DRC11: variants seen among roughly 807,000 people sequenced by gnomAD.
The protein encoded by DRC11 is IQ and AAA domain-containing protein 1.
chr2:236,419,066 T>C, the DRC11 span: 1 of 1,455,098 alleles, frequency 6.9e-7, no homozygotes, highest in Non-Finnish European at 9.0e-7. The surrounding 1 kb of genome is among the most constrained non-coding windows in gnomAD (Gnocchi z 4.8). Flanking sequence ...AACAGATTTG[T>C]AAATATCTCA....
At chr2:236,440,137 G>A in the DRC11 span, among the ~76,000 whole-genome samples, 3 of 152,192 alleles carry the variant, frequency 2.0e-5, no homozygotes, top group Non-Finnish European at 4.4e-5. Flanking sequence ...GCACATGAAT[G>A]TTATGATACA....
chr2:236,338,975 G>A, the DRC11 span, among the ~76,000 whole-genome samples: 1 of 152,206 alleles, frequency 6.6e-6, no homozygotes, highest in African/African-American at 2.4e-5. Context: ...CTTCCAGCCC[G>A]TGGGAGTCAG....
the DRC11 span, among the ~76,000 whole-genome samples, chr2:236,342,590 C>T: frequency 6.6e-6 from 1 of 152,304 alleles, no homozygotes; most frequent in East Asian, 1.9e-4. The surrounding 1 kb of genome is among the most constrained non-coding windows in gnomAD (Gnocchi z 5.8). Flanking sequence ...GAGGGGCAGG[C>T]CCCGCAATGC....
chr2:236,311,697 C>CGT, the DRC11 span, among the ~76,000 whole-genome samples: 13,762 of 138,632 alleles, frequency 0.099, 755 homozygotes, highest in African/African-American at 0.17. This position sits in a 1 kb window ranked among gnomAD's most constrained non-coding sequence, Gnocchi z 6.9. Context: ...GGATGGGGTG[C>CGT]GTGTGTGTGT....
the DRC11 span, chr2:236,408,585 G>A: frequency 9.6e-6 from 7 of 727,758 alleles, no homozygotes; most frequent in South Asian, 9.8e-5. The surrounding 1 kb of genome is among the most constrained non-coding windows in gnomAD (Gnocchi z 5.5). Flanking sequence ...GGGTGTGGCA[G>A]TGACATGGAT....
At chr2:236,357,901 A>G in the DRC11 span, among the ~76,000 whole-genome samples, 2 of 123,632 alleles carry the variant, frequency 1.6e-5, no homozygotes, top group African/African-American at 6.6e-5. Context: ...TATTTATAAT[A>G]TATAAATATA....
the DRC11 span, among the ~76,000 whole-genome samples, chr2:236,440,636 G>C: frequency 6.6e-6 from 1 of 152,184 alleles, no homozygotes; most frequent in Non-Finnish European, 1.5e-5. Flanking sequence ...CAGAACTCAG[G>C]AAGAGCATGG....
the DRC11 span, among the ~76,000 whole-genome samples, chr2:236,395,364 C>T: frequency 6.6e-6 from 1 of 152,232 alleles, no homozygotes; most frequent in Non-Finnish European, 1.5e-5. Flanking sequence ...TGAGAGCCAG[C>T]CCGAGAGCCA....
chr2:236,327,828 A>G, the DRC11 span, among the ~76,000 whole-genome samples: 1 of 151,944 alleles, frequency 6.6e-6, no homozygotes, highest in Non-Finnish European at 1.5e-5. Context: ...GATTACAGGC[A>G]TGTGCCACCA....
chr2:236,476,735 T>A, the DRC11 span, among the ~76,000 whole-genome samples: 1 of 144,752 alleles, frequency 6.9e-6, no homozygotes. This position sits in a 1 kb window ranked among gnomAD's most constrained non-coding sequence, Gnocchi z 4.7. Context: ...TTTTTTTTCC[T>A]GATTGTATTT....
At chr2:236,409,033 G>T in the DRC11 span, 1 of 630,012 alleles carries the variant, frequency 1.6e-6, no homozygotes, top group Non-Finnish European at 2.9e-6. Flanking sequence ...GAGGCAGGAA[G>T]CCGAGGGACC....
chr2:236,476,750 T>TA, the DRC11 span, among the ~76,000 whole-genome samples: 78 of 152,228 alleles, frequency 5.1e-4, no homozygotes, highest in African/African-American at 1.7e-3. The surrounding 1 kb of genome is among the most constrained non-coding windows in gnomAD (Gnocchi z 4.7). Flanking sequence ...GTATTTTTTT[T>TA]AAATTGTAAT....
chr2:236,349,305 T>C, the DRC11 span, among the ~76,000 whole-genome samples: 5 of 152,194 alleles, frequency 3.3e-5, no homozygotes, highest in South Asian at 1.0e-3. This position sits in a 1 kb window ranked among gnomAD's most constrained non-coding sequence, Gnocchi z 5.5. Flanking sequence ...AAAGCTTCCC[T>C]ACTTCCAGCT....
At chr2:236,478,613 C>T in the DRC11 span, among the ~76,000 whole-genome samples, 26,248 of 151,984 alleles carry the variant, frequency 0.17, 2,509 homozygotes, top group Non-Finnish European at 0.22. This position sits in a 1 kb window ranked among gnomAD's most constrained non-coding sequence, Gnocchi z 5.9. Context: ...GATGATCTGT[C>T]CACTACTGAG....
the DRC11 span, chr2:236,391,458 C>G: frequency 6.5e-6 from 1 of 154,652 alleles, no homozygotes; most frequent in Non-Finnish European, 1.4e-5. The surrounding 1 kb of genome is among the most constrained non-coding windows in gnomAD (Gnocchi z 4.5). Context: ...AGGGCTGTCT[C>G]TGGAATGAAG....
the DRC11 span, chr2:236,441,110 G>T: frequency 6.4e-7 from 1 of 1,558,056 alleles, no homozygotes; most frequent in Non-Finnish European, 8.7e-7. Flanking sequence ...GTCAGGAAAT[G>T]TCCCGGTTAA....
chr2:236,349,689 C>T, the DRC11 span, among the ~76,000 whole-genome samples: 10 of 152,106 alleles, frequency 6.6e-5, no homozygotes, highest in South Asian at 2.1e-4. The surrounding 1 kb of genome is among the most constrained non-coding windows in gnomAD (Gnocchi z 5.5). Context: ...TGCATGGACA[C>T]GAAGAAGGGA....
chr2:236,476,059 G>A, the DRC11 span, among the ~76,000 whole-genome samples: 1 of 151,964 alleles, frequency 6.6e-6, no homozygotes, highest in Non-Finnish European at 1.5e-5. The surrounding 1 kb of genome is among the most constrained non-coding windows in gnomAD (Gnocchi z 4.7). Flanking sequence ...GCTATTCAGT[G>A]TCTCTTGTGG....
At chr2:236,490,916 G>A in the DRC11 span, among the ~76,000 whole-genome samples, 5 of 143,378 alleles carry the variant, frequency 3.5e-5, no homozygotes, top group South Asian at 2.2e-4. The surrounding 1 kb of genome is among the most constrained non-coding windows in gnomAD (Gnocchi z 5.5). Context: ...GTGTGTGTGT[G>A]TATATATATG....
Sources: gnomAD v4.1 joint callset for allele counts (sites outside exome capture counted in the v4.1 genomes callset) on GRCh38, gnomAD v4.1.1 for gene constraint, Gnocchi (gnomAD v3.1) non-coding constraint, MANE v1.5 for transcripts, NCBI Gene and HGNC (gene_info 2026-07-23, HGNC 2026-07-21) for gene names.